ZNF285: variants seen among roughly 807,000 people sequenced by gnomAD.
The protein encoded by ZNF285 is zinc finger protein 285.
Under a neutral mutation model 6.2 loss-of-function variants are expected in ZNF285, and 4 were observed. The ratio of observed to expected loss-of-function variants is 0.65; its 90% CI spans 0.32 to 1.49. The LOEUF (loss-of-function observed/expected upper bound fraction) is 1.49, where lower values mean the gene tolerates loss of function less well. Ranked by LOEUF, ZNF285 falls within the 40% of genes most tolerant of loss-of-function variation. ZNF285 has a pLI of 0.07. For synonymous variants in ZNF285, 240 were observed against 245.8 expected, an observed-to-expected ratio of 0.98 and a Z score of 0.22; for missense variants, 695 against 708.8, an observed-to-expected ratio of 0.98 and a Z score of 0.22.
intron 2 of ZNF285, among the ~76,000 whole-genome samples, chr19:44,393,325 C>T (rs531821995): frequency 1.3e-5 from 2 of 152,058 alleles, no homozygotes; most frequent in Admixed American, 1.3e-4. Flanking sequence ...GCTATTCTTT[C>T]GTTTTCCTGA....
chr19:44,395,481 T>C (rs1459257722), intron 2 of ZNF285, among the ~76,000 whole-genome samples: 2 of 152,202 alleles, frequency 1.3e-5, no homozygotes, highest in Admixed American at 6.5e-5. Flanking sequence ...TATGATAGTA[T>C]AGACCTTGTT....
At position 44,384,640 on chromosome 19, in the gene ZNF285, A is replaced by G. The variant is rs1971042901; in HGVS notation, c.*1832T>C. 1 of 152,144 alleles carries G rather than the reference A, an allele frequency of 6.6e-6. No individual in the cohort carries two copies. The highest frequency in any genetic ancestry group is 2.4e-5 in the African/African-American group (1 of 41,440). The allele number at this position is 152,144 out of a possible 1,614,324, so 9.4% of individuals were successfully genotyped here. ...TAGGAATAAACCATGATCCAAATGA[A>G]GAAACCTATAAGTCAATTAAAACAA... On this transcript the variant is annotated 3_prime_UTR_variant, in exon 4 of 4. Coordinates refer to ENST00000614994, the MANE Select transcript of ZNF285 (RefSeq NM_152354.6).
At chr19:44,388,581 G>A (rs1481609094) in intron 3 of ZNF285, among the ~76,000 whole-genome samples, 2 of 151,850 alleles carry the variant, frequency 1.3e-5, no homozygotes, top group Non-Finnish European at 2.9e-5. Context: ...CCCCCACACC[G>A]CAAAAAGGAA....
chr19:44,395,888 G>A (rs1282420334), intron 2 of ZNF285, among the ~76,000 whole-genome samples: 3 of 152,092 alleles, frequency 2.0e-5, no homozygotes, highest in Non-Finnish European at 1.5e-5. Context: ...TAACCAAAAC[G>A]AGCAGAGTGC....
intron 3 of ZNF285, among the ~76,000 whole-genome samples, chr19:44,389,939 G>A (rs2722644): frequency 6.6e-6 from 1 of 152,016 alleles, no homozygotes. Flanking sequence ...GCTCAAATCC[G>A]AGTTCTTCTT....
In ZNF285 at chr19:44,386,430, G is replaced by T; in HGVS notation, c.*42C>A. The T allele has an allele frequency of 1.9e-6, 3 of 1,577,284 alleles. No individual in the cohort carries two copies. Among genetic ancestry groups the T allele is most frequent in the East Asian group, 2.2e-5 (1 of 44,548 alleles). ...GTAAGCCTCTATCATCTGGAATACAGTGTGGCTTCTGTTTTACTAATTGAA... is the reference window on the plus strand; with the variant it reads ...GTAAGCCTCTATCATCTGGAATACATTGTGGCTTCTGTTTTACTAATTGAA... On this transcript the variant is annotated 3_prime_UTR_variant, in exon 4 of 4. Transcript: ENST00000614994.
At chr19:44,394,239 C>T (rs1342843709) in intron 2 of ZNF285, among the ~76,000 whole-genome samples, 4 of 151,462 alleles carry the variant, frequency 2.6e-5, no homozygotes, top group African/African-American at 9.7e-5. Flanking sequence ...GGAAGGGGAA[C>T]ATCACACACC....
chr19:44,397,905 A>AG (rs1971311539), intron 1 of ZNF285, among the ~76,000 whole-genome samples: 1 of 145,246 alleles, frequency 6.9e-6, no homozygotes, highest in African/African-American at 2.6e-5. Context: ...AAAACAGAGG[A>AG]AAAAAAAAAG....
Position 44,387,540 on chromosome 19 carries a change from A to G in ZNF285, c.705T>C (p.Asn235=), listed in dbSNP as rs2123262555. The G allele has an allele frequency of 6.2e-7, 1 of 1,613,940 alleles. No individual in the cohort carries two copies. Among genetic ancestry groups the G allele is most frequent in the Admixed American group, 1.7e-5 (1 of 59,998 alleles). ...CATCTGCAAAGGCCACCCCACAGTTATTACATGGGAAAGGCTGTGGTAATA... is the reference window on the plus strand; with the variant it reads ...CATCTGCAAAGGCCACCCCACAGTTGTTACATGGGAAAGGCTGTGGTAATA... ...AHVLPQPFPC[N]NCGVAFADDT... Residue 235 remains asparagine (N), a synonymous_variant, in exon 4 of 4, where the codon AAT becomes AAC. Transcript: ENST00000614994.
chr19:44,388,249 G>A (rs1971132936), intron 3 of ZNF285, 147 bp from the exon 4 acceptor site: 1 of 737,924 alleles, frequency 1.4e-6, no homozygotes, highest in Non-Finnish European at 2.2e-6. Context: ...TCTAACCTGT[G>A]AGCTGCCAAT....
chr19:44,385,890 T>C lies in ZNF285; in HGVS notation c.*582A>G, dbSNP rs1055635134. On this transcript the variant is annotated 3_prime_UTR_variant, in exon 4 of 4. Coordinates refer to ENST00000614994, the MANE Select transcript of ZNF285 (RefSeq NM_152354.6). ...CTTAACTGCAAGGGTTACTGGGAAATAGACTTCTTATTTGCAAGGAAATGG... is the reference window on the plus strand; with the variant it reads ...CTTAACTGCAAGGGTTACTGGGAAACAGACTTCTTATTTGCAAGGAAATGG... 2 of 155,156 alleles carry C rather than the reference T, an allele frequency of 1.3e-5. No homozygotes were observed. The highest frequency in any genetic ancestry group is 4.8e-5 in the African/African-American group (2 of 41,440). 9.6% of individuals were successfully genotyped at this position (155,156 alleles called of 1,614,324 possible). A position where few individuals can be genotyped will look rare whatever the true frequency, so the allele number is the denominator to read the frequency against.
At chr19:44,398,172 G>C (rs7256562) in intron 1 of ZNF285, among the ~76,000 whole-genome samples, 10 of 152,138 alleles carry the variant, frequency 6.6e-5, no homozygotes, top group African/African-American at 2.4e-4. Context: ...ACACACCTAT[G>C]ACATATAAGA....
At position 44,388,083 on chromosome 19, in the gene ZNF285, G is replaced by A. The variant is rs1251286676; in HGVS notation, c.162C>T (p.Asn54=). The change falls in exon 4 of 4, where the codon AAC becomes AAT. Residue 54 remains asparagine (N), a synonymous_variant. Coordinates refer to ENST00000614994, the MANE Select transcript of ZNF285 (RefSeq NM_152354.6). The stretch of plus-strand genomic sequence containing the variant: ...ACCCCTTTGCCTGAAGATTCAAAAT[G>A]TTGTTTTTAATCCCGTCTCCTAGGA... ...LMLVRDGIKN[N]ILNLQAKGLS... 1.2e-6 allele frequency: 2 copies of A among 1,613,260 alleles called. No homozygotes were observed. The highest frequency in any genetic ancestry group is 1.7e-6 in the Non-Finnish European group (2 of 1,179,616).
intron 1 of ZNF285, among the ~76,000 whole-genome samples, chr19:44,400,952 T>A (rs1019763357): frequency 1.3e-5 from 2 of 152,058 alleles, no homozygotes; most frequent in Non-Finnish European, 2.9e-5. Flanking sequence ...CAGTCTGAGT[T>A]GTTTCTTTAT....
At position 44,382,750 on chromosome 19, in the gene ZNF285, G is replaced by C. The variant is rs1423500913; in HGVS notation, c.*3722C>G. ...AGCAATTGTGAAGGCATCCATGTTG[G>C]TGAGGGAACAAATTGACTATGCAGG... On this transcript the variant is annotated 3_prime_UTR_variant, in exon 4 of 4. Coordinates refer to ENST00000614994, the MANE Select transcript of ZNF285 (RefSeq NM_152354.6). The C allele has an allele frequency of 5.9e-5, 9 of 152,150 alleles. No homozygotes were observed. Among genetic ancestry groups the C allele is most frequent in the Non-Finnish European group, 8.8e-5 (6 of 68,026 alleles). The allele number at this position is 152,150 out of a possible 1,614,324, so 9.4% of individuals were successfully genotyped here.
At position 44,383,094 on chromosome 19, in the gene ZNF285, C is replaced by T. The variant is rs878975580; in HGVS notation, c.*3378G>A. The T allele has an allele frequency of 3.9e-5, 6 of 152,212 alleles. No individual in the cohort carries two copies. The highest frequency in any genetic ancestry group is 1.4e-4 in the African/African-American group (6 of 41,448). 9.4% of individuals were successfully genotyped at this position (152,212 alleles called of 1,614,324 possible). A position where few individuals can be genotyped will look rare whatever the true frequency, so the allele number is the denominator to read the frequency against. On this transcript the variant is annotated 3_prime_UTR_variant, in exon 4 of 4. Transcript: ENST00000614994. Reference sequence around the variant, plus strand: ...TACATAGTAATGCTATGAATTTTCACATGCCAATTTCGTGTGAAACCAATT... The same window carrying T: ...TACATAGTAATGCTATGAATTTTCATATGCCAATTTCGTGTGAAACCAATT...
At chr19:44,394,451 T>C in intron 2 of ZNF285, 1 of 482,322 alleles carries the variant, frequency 2.1e-6, no homozygotes, top group Non-Finnish European at 3.6e-6. Flanking sequence ...TTGGGTATTA[T>C]GCTGATTACC....
intron 2 of ZNF285, chr19:44,392,681 C>T: frequency 1.1e-6 from 1 of 871,072 alleles, no homozygotes; most frequent in Non-Finnish European, 1.8e-6. Context: ...TCTGCTCTCA[C>T]TGTGTCCTTA....
rs1413268122 is a variant in ZNF285 at position 44,385,986 on chromosome 19, T to A, written c.*486A>T. On this transcript the variant is annotated 3_prime_UTR_variant, in exon 4 of 4. Coordinates refer to ENST00000614994, the MANE Select transcript of ZNF285 (RefSeq NM_152354.6). ...TGCCACTTCTATGGAGCTTCTTGCCTGTGTAGAGAATCTCATGGAAAACCT... is the reference window on the plus strand; with the variant it reads ...TGCCACTTCTATGGAGCTTCTTGCCAGTGTAGAGAATCTCATGGAAAACCT... 2 of 162,870 alleles carry A rather than the reference T, an allele frequency of 1.2e-5. No individual in the cohort carries two copies. Among genetic ancestry groups the A allele is most frequent in the Non-Finnish European group, 2.7e-5 (2 of 73,212 alleles). The allele number at this position is 162,870 out of a possible 1,614,324, so 10.1% of individuals were successfully genotyped here.
Sources: allele counts gnomAD v4.1 joint callset (sites outside exome capture counted in the v4.1 genomes callset), GRCh38; gene constraint gnomAD v4.1.1; transcripts MANE v1.5; gene names NCBI Gene and HGNC (gene_info 2026-07-23, HGNC 2026-07-21).